The following BAZ1B variants were observed in gnomAD, a reference collection of about 807,000 sequenced individuals.
BAZ1B encodes bromodomain adjacent to zinc finger domain 1B.
In BAZ1B, 22 loss-of-function variants were observed where a neutral mutation model predicts 153.8. The ratio of observed to expected loss-of-function variants is 0.14; its 90% CI spans 0.10 to 0.20. The LOEUF (loss-of-function observed/expected upper bound fraction) is 0.20. Among genes scored for constraint, BAZ1B ranks in the 10% least tolerant of loss-of-function variants. BAZ1B has a pLI of 1.00. For synonymous variants in BAZ1B, 676 were observed against 633.4 expected, an observed-to-expected ratio of 1.07 and a Z score of -1.01; for missense variants, 1,325 against 1,799.3, an observed-to-expected ratio of 0.74 and a Z score of 4.77.
At chr7:73,448,201 G>A (rs1787907848) in intron 15 of BAZ1B, among the ~76,000 whole-genome samples, 1 of 152,172 alleles carries the variant, frequency 6.6e-6, no homozygotes, top group African/African-American at 2.4e-5. Flanking sequence ...CTACTCGGGA[G>A]GCTGAGGCAG....
intron 7 of BAZ1B, among the ~76,000 whole-genome samples, chr7:73,475,197 A>C (rs913010030): frequency 3.3e-5 from 5 of 152,272 alleles, no homozygotes; most frequent in Non-Finnish European, 7.3e-5. Flanking sequence ...ACATAATCAT[A>C]TGACCCAACA....
At chr7:73,455,069 A>AAG (rs1788146732) in intron 13 of BAZ1B, among the ~76,000 whole-genome samples, 1 of 150,782 alleles carries the variant, frequency 6.6e-6, no homozygotes, top group South Asian at 2.1e-4. Flanking sequence ...TTTTTTTTAG[A>AAG]AGAGACCGGT....
In BAZ1B at chr7:73,444,053, C is replaced by G. The variant is rs1554565728; in HGVS notation, c.3921G>C (p.Lys1307Asn). The change falls in exon 17 of 20, where the codon AAG becomes AAC. Residue 1307 changes from lysine to asparagine, a missense_variant. Transcript: ENST00000339594. The part of the protein sequence containing the change: ...PAARSGRRPG[K>N]KPHSTRRSQP... ...GAGACCTCCTGGTAGAGTGTGGCTT[C>G]TTACCCGGGCGCCGGCCTGACCTTG... is the stretch of plus-strand genomic sequence containing the variant. The G allele has an allele frequency of 6.2e-7, 1 of 1,613,802 alleles. No homozygotes were observed. The highest frequency in any genetic ancestry group is 8.5e-7 in the Non-Finnish European group (1 of 1,179,850).
chr7:73,512,628 C>T (rs564487466), intron 1 of BAZ1B, among the ~76,000 whole-genome samples: 3 of 152,250 alleles, frequency 2.0e-5, no homozygotes, highest in African/African-American at 7.2e-5. Context: ...TCACCATCAG[C>T]CAGCCACTTC....
In BAZ1B at chr7:73,478,556, T is replaced by A; in HGVS notation, c.905A>T (p.Asn302Ile). The change falls in exon 7 of 20, where the codon AAC becomes ATC. Residue 302 changes from asparagine to isoleucine, a missense_variant. Physicochemically the swap from Asn to Ile is moderately radical, Grantham distance 149. Transcript: ENST00000339594. ...LLDPYKYMTL[N>I]PSTKRKNTGS... ...AGTATTCTTCCTCTTAGTAGAAGGGTTGAGAGTCATATACTAGAATTTAAG... is the reference window on the plus strand; with the variant it reads ...AGTATTCTTCCTCTTAGTAGAAGGGATGAGAGTCATATACTAGAATTTAAG... 2 of 1,527,266 alleles carry A rather than the reference T, an allele frequency of 1.3e-6. No homozygotes were observed. Among genetic ancestry groups the A allele is most frequent in the Non-Finnish European group, 1.8e-6 (2 of 1,139,222 alleles). The allele number at this position is 1,527,266 out of a possible 1,614,324, so 94.6% of individuals were successfully genotyped here.
chr7:73,462,866 G>C lies in BAZ1B; in HGVS notation c.3249+56C>G, dbSNP rs1788441206. ...GGAAGTCAAGAACAGCACCAGGGAA[G>C]AACTTCAGATTGAGTTGCCATGAGT... is the stretch of plus-strand genomic sequence containing the variant. On this transcript the variant is annotated intron_variant, in intron 12 of 19. Coordinates refer to ENST00000339594, the MANE Select transcript of BAZ1B (RefSeq NM_032408.4). The C allele has an allele frequency of 9.5e-6, 15 of 1,573,672 alleles. No individual in the cohort carries two copies. In the Admixed American group the frequency reaches 2.5e-4, roughly 26 times the overall value.
rs142819894 is a variant in BAZ1B at position 73,465,439 on chromosome 7, C to G, written c.3071G>C (p.Arg1024Thr). The G allele has an allele frequency of 4.4e-6, 7 of 1,579,646 alleles. No homozygotes were observed. The highest frequency in any genetic ancestry group is 6.0e-6 in the Non-Finnish European group (7 of 1,158,484). ...ESQLKERLEK[R>T]YQDIIHSIHL... ...GAGGAGTAAGATGAAAACCTCTTAC[C>G]TCTTCTCTAGTCTCTCTTTAAGTTG... Residue 1024 changes from arginine (R) to threonine (T), a missense_variant and splice_region_variant, in exon 11 of 20, where the codon AGG (arginine) becomes ACG (threonine). By Grantham distance (71) the Arg-to-Thr change is moderately conservative. This residue lies in a region of BAZ1B where 431 missense variants were observed against 563.5 expected (regional missense o/e 0.76). Transcript: ENST00000339594.
chr7:73,511,195 G>A (rs1043669698), intron 1 of BAZ1B, among the ~76,000 whole-genome samples: 14 of 152,048 alleles, frequency 9.2e-5, no homozygotes, highest in Non-Finnish European at 1.9e-4. Flanking sequence ...GTGAACCCGG[G>A]AGGCGGAGCT....
intron 13 of BAZ1B, among the ~76,000 whole-genome samples, chr7:73,453,627 C>T (rs1158667812): frequency 6.6e-6 from 1 of 152,194 alleles, no homozygotes; most frequent in Admixed American, 6.5e-5. Context: ...GCTAAGGAGA[C>T]TAGTTAACTG....
chr7:73,481,616 T>C (rs75229905), intron 6 of BAZ1B, among the ~76,000 whole-genome samples: 14,032 of 151,696 alleles, frequency 0.093, 775 homozygotes, highest in Middle Eastern at 0.13. Context: ...TGGCCTACAC[T>C]GAGTAGGATA....
Position 73,444,107 on chromosome 7 carries a change from C to T in BAZ1B, c.3867G>A (p.Arg1289=), listed in dbSNP as rs1249884535. Residue 1289 remains arginine, a synonymous_variant, in exon 17 of 20, where the codon CGG becomes CGA. Transcript: ENST00000339594. ...GLRLRPRKTI[R]GKHSVIPPAA... ...CAGGGGGGATGACGCTGTGCTTGCCCCGGATGGTCTTTCGAGGTCTCACTG... is the reference window on the plus strand; with the variant it reads ...CAGGGGGGATGACGCTGTGCTTGCCTCGGATGGTCTTTCGAGGTCTCACTG... The T allele has an allele frequency of 1.9e-6, 3 of 1,605,144 alleles. No homozygotes were observed. The highest frequency in any genetic ancestry group is 2.5e-6 in the Non-Finnish European group (3 of 1,176,740).
chr7:73,473,124 T>C lies in BAZ1B; in HGVS notation c.2594-2641A>G, dbSNP rs377223355. ...GCCAGGCTAATTTTTGTATTTTTAG[T>C]AGAGACAGGGTTTCACCGTGTTGGC... On this transcript the variant is annotated intron_variant, in intron 7 of 19. Transcript: ENST00000339594. Among the ~76,000 whole-genome samples the C allele has an allele frequency of 5.9e-5, 9 of 152,080 alleles. 1 individual carries two copies. The East Asian group carries it at 1.2e-3, about 20-fold the overall frequency.
intron 6 of BAZ1B, among the ~76,000 whole-genome samples, chr7:73,488,347 C>A (rs975219757): frequency 1.3e-5 from 2 of 152,078 alleles, no homozygotes; most frequent in Non-Finnish European, 2.9e-5. Flanking sequence ...TAGACTAGGC[C>A]TCAGATACCC....
At chr7:73,500,447 G>T (rs1790080845) in intron 3 of BAZ1B, among the ~76,000 whole-genome samples, 1 of 152,158 alleles carries the variant, frequency 6.6e-6, no homozygotes, top group East Asian at 1.9e-4. Flanking sequence ...GGAGGCTGAG[G>T]TAAGGGGATC....
chr7:73,474,864 T>C (rs1208188816), intron 7 of BAZ1B, among the ~76,000 whole-genome samples: 3 of 152,192 alleles, frequency 2.0e-5, no homozygotes, highest in Non-Finnish European at 4.4e-5. Context: ...CTAGAATATA[T>C]ACAGAACTCT....
At chr7:73,492,744 T>A (rs1789702436) in intron 5 of BAZ1B, 56 bp downstream of exon 5, 1 of 1,495,188 alleles carries the variant, frequency 6.7e-7, no homozygotes, top group African/African-American at 1.4e-5. Flanking sequence ...AAAGCAACCC[T>A]ATGATATTTT....
chr7:73,499,308 G>T (rs573155888), intron 3 of BAZ1B, among the ~76,000 whole-genome samples: 301 of 152,088 alleles, frequency 2.0e-3, no homozygotes, highest in African/African-American at 6.9e-3. Context: ...GATTACAGGC[G>T]TGAGCCACGG....
In BAZ1B at chr7:73,498,678, G is replaced by C; in HGVS notation, c.390C>G (p.Leu130=). The part of the protein sequence containing the change: ...CDFEVGKEKM[L]KVKIVKIHPL... ...GATGAATCTTCACAATCTTCACCTTGAGCATTTTCTCCTTCCCAACCTATA... is the reference window on the plus strand; with the variant it reads ...GATGAATCTTCACAATCTTCACCTTCAGCATTTTCTCCTTCCCAACCTATA... Residue 130 remains leucine, a synonymous_variant, in exon 4 of 20, where the codon CTC becomes CTG. Transcript: ENST00000339594. 1 of 1,613,898 alleles carries C rather than the reference G, an allele frequency of 6.2e-7. No individual in the cohort carries two copies. Among genetic ancestry groups the C allele is most frequent in the Non-Finnish European group, 8.5e-7 (1 of 1,179,982 alleles).
At chr7:73,460,607 C>T (rs1176964670) in intron 12 of BAZ1B, among the ~76,000 whole-genome samples, 1 of 152,174 alleles carries the variant, frequency 6.6e-6, no homozygotes, top group Non-Finnish European at 1.5e-5. Flanking sequence ...GCCTCAGCCT[C>T]CCCATTAGCT....
Sources: gnomAD v4.1 joint callset for allele counts (sites outside exome capture counted in the v4.1 genomes callset) on GRCh38, gnomAD v4.1.1 for gene constraint, gnomAD v4.1.1 regional missense constraint, MANE v1.5 for transcripts, NCBI Gene and HGNC (gene_info 2026-07-23, HGNC 2026-07-21) for gene names.